Variants in HIVEP2 observed in about 807,000 individuals in gnomAD.
HIVEP2 encodes HIVEP zinc finger 2, also known as transcription factor HIVEP2.
HIVEP2 carries 14 observed loss-of-function variants against 180.7 expected under a neutral mutation model. The ratio of observed to expected loss-of-function variants is 0.08; its 90% confidence interval spans 0.05 to 0.12. The LOEUF is 0.12. Ranked by LOEUF, HIVEP2 falls within the 10% of genes least tolerant of loss-of-function variation. HIVEP2 has a pLI of 1.00. For missense variants in HIVEP2, 2,579 were observed against 3,008.5 expected, an observed-to-expected ratio of 0.86 and a Z score of 3.34; for synonymous variants, 1,184 against 1,136.4, an observed-to-expected ratio of 1.04 and a Z score of -0.84.
In HIVEP2 at chr6:142,901,662, A is replaced by G. The variant is rs144036436; in HGVS notation, c.-641+43437T>C. Among the ~76,000 whole-genome samples, 9 of 152,328 alleles carry G rather than the reference A, an allele frequency of 5.9e-5. No individual in the cohort carries two copies. The East Asian group carries it at 1.7e-3, about 29-fold the overall frequency. On this transcript the variant is annotated intron_variant, in intron 1 of 9. Coordinates refer to ENST00000367603, the MANE Select transcript of HIVEP2 (RefSeq NM_006734.4). ...TTAAATAAAACAATTTTGATTTCCT[A>G]CCTGGAAATATGCTTTTGGTCCTAT...
At chr6:142,839,267 C>T (rs1775304319) in intron 1 of HIVEP2, among the ~76,000 whole-genome samples, 1 of 152,040 alleles carries the variant, frequency 6.6e-6, no homozygotes, top group African/African-American at 2.4e-5. Context: ...CCTACAATCG[C>T]TACACCATAC....
At chr6:142,781,121 A>G (rs1159540611) in intron 3 of HIVEP2, among the ~76,000 whole-genome samples, 1 of 152,224 alleles carries the variant, frequency 6.6e-6, no homozygotes, top group Non-Finnish European at 1.5e-5. Flanking sequence ...ACTTAGAACT[A>G]TAAAGATCTA....
chr6:142,925,015 C>T lies in HIVEP2; in HGVS notation c.-641+20084G>A, dbSNP rs555594999. On this transcript the variant is annotated intron_variant, in intron 1 of 9. Transcript: ENST00000367603. ...ATCTTTTGAGGCCACATAGTTGGGT[C>T]CTCTGCCTTCTGTCTATTTACTCTC... 2.0e-5 allele frequency among the ~76,000 whole-genome samples: 3 copies of T among 152,228 alleles called. No homozygotes were observed. In the South Asian group the frequency reaches 6.2e-4, roughly 32 times the overall value.
intron 1 of HIVEP2, among the ~76,000 whole-genome samples, chr6:142,846,246 G>T (rs1024988366): frequency 6.6e-6 from 1 of 151,830 alleles, no homozygotes; most frequent in African/African-American, 2.4e-5. Context: ...ACCCTCTCCT[G>T]TCAGGGCTGT....
chr6:142,864,305 C>T (rs771779953), intron 1 of HIVEP2, among the ~76,000 whole-genome samples: 49 of 152,086 alleles, frequency 3.2e-4, no homozygotes, highest in Admixed American at 1.3e-4. Context: ...ACCAAGAATT[C>T]TAGGAACAGC....
intron 9 of HIVEP2, among the ~76,000 whole-genome samples, chr6:142,759,299 T>G (rs1196382674): frequency 6.8e-6 from 1 of 147,124 alleles, no homozygotes; most frequent in Non-Finnish European, 1.5e-5. Context: ...TGAGACCCTG[T>G]CTCAAAAAAA....
chr6:142,762,242 TCTTTA>T (rs1262562775), intron 7 of HIVEP2, among the ~76,000 whole-genome samples: 1 of 152,192 alleles, frequency 6.6e-6, no homozygotes, highest in Non-Finnish European at 1.5e-5. Flanking sequence ...CAACATTCCC[TCTTTA>T]CTTATCTTCA....
chr6:142,789,566 C>T (rs1234192091), intron 2 of HIVEP2, among the ~76,000 whole-genome samples: 1 of 152,180 alleles, frequency 6.6e-6, no homozygotes, highest in Admixed American at 6.5e-5. Context: ...ATCTATCAGG[C>T]AACTAACAAA....
chr6:142,784,789 C>T (rs1239328734), intron 2 of HIVEP2, among the ~76,000 whole-genome samples: 1 of 152,168 alleles, frequency 6.6e-6, no homozygotes, highest in Non-Finnish European at 1.5e-5. Flanking sequence ...TTGAAACTTT[C>T]ATCAATGCTA....
chr6:142,834,079 T>C (rs575637491), intron 2 of HIVEP2, among the ~76,000 whole-genome samples: 38 of 152,330 alleles, frequency 2.5e-4, no homozygotes, highest in African/African-American at 8.7e-4. Flanking sequence ...AGATAACAGA[T>C]AGCAAATCTA....
intron 1 of HIVEP2, among the ~76,000 whole-genome samples, chr6:142,891,554 A>T (rs772270071): frequency 1.1e-4 from 16 of 152,104 alleles, no homozygotes; most frequent in Middle Eastern, 3.4e-3. Context: ...AAAGATCTCA[A>T]CTCTTGACTG....
At chr6:142,821,030 A>T (rs539168997) in intron 2 of HIVEP2, among the ~76,000 whole-genome samples, 1 of 152,318 alleles carries the variant, frequency 6.6e-6, no homozygotes, top group South Asian at 2.1e-4. Context: ...TGCTGACAAG[A>T]AGGCTTCAAA....
intron 2 of HIVEP2, among the ~76,000 whole-genome samples, chr6:142,832,573 C>T (rs118657): frequency 1.7e-3 from 265 of 152,048 alleles, no homozygotes; most frequent in Non-Finnish European, 2.9e-3. Flanking sequence ...GTAGAAAATG[C>T]GATTAAGAAA....
intron 1 of HIVEP2, among the ~76,000 whole-genome samples, chr6:142,890,544 A>G (rs1179755285): frequency 6.6e-6 from 1 of 152,226 alleles, no homozygotes; most frequent in Non-Finnish European, 1.5e-5. Flanking sequence ...GAGATGGATC[A>G]GAGTGGCAAG....
intron 3 of HIVEP2, 48 bp from the exon 4 acceptor site, chr6:142,776,239 T>C (rs1582848735): frequency 1.3e-5 from 2 of 152,624 alleles, no homozygotes; most frequent in East Asian, 3.8e-4. Context: ...CATTAAACCT[T>C]ACCATCGATA....
chr6:142,760,090 G>A lies in HIVEP2; in HGVS notation c.6198C>T (p.Pro2066=), dbSNP rs1433691330. Residue 2066 remains proline, a synonymous_variant, in exon 9 of 10, where the codon CCC becomes CCT. Coordinates refer to ENST00000367603, the MANE Select transcript of HIVEP2 (RefSeq NM_006734.4). The part of the protein sequence containing the change: ...RDNSPKRYLI[P]KGDLSPRRHL... ...GTCTCCTGGGAGATAAATCTCCTTTGGGTATCAGATACCTCTTTGGTGAAT... is the reference window on the plus strand; with the variant it reads ...GTCTCCTGGGAGATAAATCTCCTTTAGGTATCAGATACCTCTTTGGTGAAT... 1.2e-6 allele frequency: 2 copies of A among 1,614,008 alleles called. No individual in the cohort carries two copies. The highest frequency in any genetic ancestry group is 2.2e-5 in the East Asian group (1 of 44,874).
chr6:142,828,676 C>T (rs141682132), intron 2 of HIVEP2, among the ~76,000 whole-genome samples: 2,403 of 152,132 alleles, frequency 0.016, 66 homozygotes, highest in African/African-American at 0.053. Context: ...GTGATCCACC[C>T]GCCTCGGCCT....
At chr6:142,761,998 G>C (rs1775253209) in intron 7 of HIVEP2, among the ~76,000 whole-genome samples, 1 of 152,054 alleles carries the variant, frequency 6.6e-6, no homozygotes, top group African/African-American at 2.4e-5. Flanking sequence ...ACACCCACTG[G>C]GCCCCTGACC....
At chr6:142,830,707 G>A (rs1439946852) in intron 2 of HIVEP2, among the ~76,000 whole-genome samples, 1 of 152,032 alleles carries the variant, frequency 6.6e-6, no homozygotes, top group African/African-American at 2.4e-5. Flanking sequence ...GACTCAACTG[G>A]TACACAATCA....
Sources: allele counts gnomAD v4.1 joint callset (sites outside exome capture counted in the v4.1 genomes callset), GRCh38; gene constraint gnomAD v4.1.1; transcripts MANE v1.5; gene names NCBI Gene and HGNC (gene_info 2026-07-23, HGNC 2026-07-21).